Variants in CD96 observed in about 807,000 individuals in gnomAD.
CD96 encodes the protein CD96 molecule.
A neutral mutation model predicts 71.3 loss-of-function variants in CD96; 70 were observed. The observed-to-expected ratio is 0.98, with a 90% confidence interval of 0.81 to 1.20. The LOEUF is 1.20. Ranked by LOEUF, CD96 falls within the 50% of genes most tolerant of loss-of-function variation. CD96 has a pLI of 0.00. For synonymous variants in CD96, 248 were observed against 233.0 expected (o/e 1.06, Z -0.59); for missense variants, 742 against 677.5 (o/e 1.10, Z -1.06).
intron 4 of CD96, 55 bp downstream of exon 4, chr3:111,579,289 C>G (rs557404405): frequency 1.2e-4 from 122 of 977,468 alleles, no homozygotes; most frequent in Non-Finnish European, 2.0e-4. Context: ...CTGCCCTGCT[C>G]TTCCTTGAAG....
chr3:111,549,193 T>G (rs541466176), intron 2 of CD96, among the ~76,000 whole-genome samples: 1 of 152,040 alleles, frequency 6.6e-6, no homozygotes, highest in East Asian at 1.9e-4. Context: ...TCCTTTCCTT[T>G]CCTTTGGAAG....
chr3:111,646,030 A>C (rs867578070), intron 12 of CD96, among the ~76,000 whole-genome samples: 7 of 152,186 alleles, frequency 4.6e-5, no homozygotes, highest in Non-Finnish European at 8.8e-5. Flanking sequence ...CGGGGCAATG[A>C]AATAAATTTA....
intron 5 of CD96, among the ~76,000 whole-genome samples, chr3:111,597,148 A>G (rs1194944146): frequency 2.0e-5 from 3 of 152,200 alleles, no homozygotes; most frequent in Non-Finnish European, 4.4e-5. Context: ...AATTGTGGAA[A>G]ATATCTGAGA....
chr3:111,590,236 G>T (rs1184654436), intron 5 of CD96, among the ~76,000 whole-genome samples: 3 of 152,144 alleles, frequency 2.0e-5, no homozygotes, highest in Non-Finnish European at 4.4e-5. Flanking sequence ...GTAAATGAGG[G>T]CAATGGCTCC....
At chr3:111,592,034 G>C (rs1427573122) in intron 5 of CD96, among the ~76,000 whole-genome samples, 1 of 152,110 alleles carries the variant, frequency 6.6e-6, no homozygotes, top group Non-Finnish European at 1.5e-5. Context: ...TGAGATAATG[G>C]GATGCTGTCT....
intron 5 of CD96, among the ~76,000 whole-genome samples, chr3:111,586,835 G>T (rs922052118): frequency 6.6e-6 from 1 of 152,058 alleles, no homozygotes; most frequent in East Asian, 1.9e-4. Flanking sequence ...TGGTGACACA[G>T]CCAAACCATA....
rs555646393 is a variant in CD96 at position 111,562,208 on chromosome 3, C to T, written c.419-5315C>T. On this transcript the variant is annotated intron_variant, in intron 2 of 13. Transcript: ENST00000352690. ...TTGGGAGCTGTAGACCGGAGCTGTTCCTATTCGGCCATCTTGGCTCCTCCC... is the reference window on the plus strand; with the variant it reads ...TTGGGAGCTGTAGACCGGAGCTGTTTCTATTCGGCCATCTTGGCTCCTCCC... Among the ~76,000 whole-genome samples, 5 of 152,296 alleles carry T rather than the reference C, an allele frequency of 3.3e-5. No individual in the cohort carries two copies. The East Asian group carries it at 9.7e-4, about 30-fold the overall frequency.
intron 1 of CD96, among the ~76,000 whole-genome samples, chr3:111,543,041 G>C (rs1418726989): frequency 6.6e-6 from 1 of 152,136 alleles, no homozygotes; most frequent in African/African-American, 2.4e-5. Context: ...GCTGTAGATA[G>C]GATCAGAGCC....
chr3:111,570,831 A>G (rs1197416232), intron 3 of CD96: 3 of 1,612,974 alleles, frequency 1.9e-6, no homozygotes, highest in East Asian at 4.5e-5. Flanking sequence ...GGGGGACCCC[A>G]GGCTTGTGGC....
chr3:111,663,145 C>A (rs1366129822), intron 14 of CD96, among the ~76,000 whole-genome samples: 1 of 152,188 alleles, frequency 6.6e-6, no homozygotes, highest in Non-Finnish European at 1.5e-5. Flanking sequence ...GGAAGTCCTA[C>A]ACCCTTTCAA....
intron 2 of CD96, among the ~76,000 whole-genome samples, chr3:111,551,730 C>T (rs1002011895): frequency 3.3e-5 from 5 of 152,048 alleles, no homozygotes; most frequent in Admixed American, 2.0e-4. Context: ...CCACACCCTC[C>T]GACAGGCCCC....
intron 10 of CD96, among the ~76,000 whole-genome samples, chr3:111,629,349 G>T (rs768648619): frequency 5.0e-4 from 76 of 151,984 alleles, no homozygotes; most frequent in Non-Finnish European, 2.5e-4. Context: ...ACAGGAAAAA[G>T]CAGAGGTTGC....
At chr3:111,567,078 G>T (rs536907768) in intron 2 of CD96, among the ~76,000 whole-genome samples, 5 of 152,216 alleles carry the variant, frequency 3.3e-5, no homozygotes, top group African/African-American at 1.2e-4. Flanking sequence ...GTGGGTAGAG[G>T]TAGTAGATAT....
At chr3:111,571,066 G>A in intron 3 of CD96, 1 of 986,762 alleles carries the variant, frequency 1.0e-6, no homozygotes, top group South Asian at 1.3e-5. Flanking sequence ...CTGTGGGGTA[G>A]GAGGTAGGTC....
downstream of CD96, among the ~76,000 whole-genome samples, chr3:111,655,414 A>T (rs1026975122): frequency 6.6e-6 from 1 of 152,228 alleles, no homozygotes; most frequent in East Asian, 1.9e-4. Context: ...AAACAAATAT[A>T]TACAGTACAG....
At chr3:111,638,233 A>C (rs1576422524) in intron 12 of CD96, 65 bp downstream of exon 12, 1 of 1,009,292 alleles carries the variant, frequency 9.9e-7, no homozygotes, top group Non-Finnish European at 1.6e-6. Context: ...TTTATCAAGT[A>C]CCTGCCATTT....
Position 111,647,584 on chromosome 3 carries a change from G to A in CD96, c.1519G>A (p.Val507Met), listed in dbSNP as rs776546485. 1.2e-6 allele frequency: 2 copies of A among 1,612,060 alleles called. No homozygotes were observed. The highest frequency in any genetic ancestry group is 1.7e-6 in the Non-Finnish European group (2 of 1,178,174). The change falls in exon 13 of 14, where the codon GTG becomes ATG. Residue 507 changes from valine (V) to methionine (M), a missense_variant. Transcript: ENST00000352690. ...GCCCAAAGATGGAATGTCCTGGCCA[G>A]TGATTGTAGCAGCTTTACTCTTTTG... ...NKPKDGMSWP[V>M]IVAALLFCCM...
intron 8 of CD96, among the ~76,000 whole-genome samples, chr3:111,610,884 G>T (rs1461888704): frequency 4.8e-4 from 73 of 152,160 alleles, no homozygotes; most frequent in Admixed American, 4.8e-3. Context: ...ATGCCAACCC[G>T]GTGTGGCAAT....
intron 5 of CD96, chr3:111,594,205 A>G (rs767883027): frequency 6.3e-6 from 10 of 1,583,674 alleles, no homozygotes; most frequent in Non-Finnish European, 7.7e-6. Context: ...TCATCATGTC[A>G]CCTCTTCTAC....
Sources: gnomAD v4.1 joint callset for allele counts (sites outside exome capture counted in the v4.1 genomes callset) on GRCh38, gnomAD v4.1.1 for gene constraint, MANE v1.5 for transcripts, NCBI Gene and HGNC (gene_info 2026-07-23, HGNC 2026-07-21) for gene names.